ESR1: variants seen among roughly 807,000 people sequenced by gnomAD.
The protein encoded by ESR1 is estrogen receptor.
A neutral mutation model predicts 52.7 loss-of-function variants in ESR1; 12 were observed. The ratio of observed to expected loss-of-function variants is 0.23; its 90% CI spans 0.15 to 0.37. The LOEUF is 0.37. Ranked by LOEUF, ESR1 falls within the 10% of genes least tolerant of loss-of-function variation. ESR1 has a pLI of 1.00. For missense variants in ESR1, 584 were observed against 779.7 expected, an observed-to-expected ratio of 0.75 and a Z score of 2.99; for synonymous variants, 305 against 316.8, an observed-to-expected ratio of 0.96 and a Z score of 0.39.
At chr6:151,970,734 T>C (rs1473857820) in intron 4 of ESR1, among the ~76,000 whole-genome samples, 1 of 152,178 alleles carries the variant, frequency 6.6e-6, no homozygotes, top group East Asian at 1.9e-4. Flanking sequence ...GAGCTTTTAT[T>C]CTCCTCGCTC....
intron 2 of ESR1, among the ~76,000 whole-genome samples, chr6:151,872,601 C>T (rs534049296): frequency 1.3e-5 from 2 of 152,286 alleles, no homozygotes; most frequent in South Asian, 4.1e-4. Flanking sequence ...CTTTCTATAA[C>T]AAATTCTTTG....
intron 2 of ESR1, among the ~76,000 whole-genome samples, chr6:151,862,091 G>A (rs1031984636): frequency 1.6e-4 from 24 of 152,106 alleles, no homozygotes; most frequent in African/African-American, 5.8e-4. Context: ...TACTTGCCCT[G>A]CTCCAGGCTC....
At position 152,098,005 on chromosome 6, in the gene ESR1, C is replaced by T. The variant is rs551884042; in HGVS notation, c.1554-727C>T. Among the ~76,000 whole-genome samples the T allele has an allele frequency of 3.0e-4, 46 of 152,254 alleles. 1 individual carries two copies. The highest frequency in any genetic ancestry group is 2.5e-3 in the Admixed American group (38 of 15,296). On this transcript the variant is annotated intron_variant, in intron 7 of 7. Transcript: ENST00000206249. This position sits in a 1 kb window ranked among gnomAD's most constrained non-coding sequence, Gnocchi z 5.1. ...GCTTGAGGCTGCTGCCACTGGGTAGCGGTAGGCCTTTCCGAGGAGGCGGCA... is the reference window on the plus strand; with the variant it reads ...GCTTGAGGCTGCTGCCACTGGGTAGTGGTAGGCCTTTCCGAGGAGGCGGCA...
intron 2 of ESR1, among the ~76,000 whole-genome samples, chr6:151,740,051 C>T (rs1782964487): frequency 6.6e-6 from 1 of 152,094 alleles, no homozygotes; most frequent in Admixed American, 6.5e-5. Context: ...TGCCAGGGTT[C>T]CCCTATGTAT....
rs545611745 is a variant in ESR1 at position 151,874,716 on chromosome 6, T to C, written c.644-5939T>C. Among the ~76,000 whole-genome samples the C allele has an allele frequency of 5.3e-5, 8 of 152,334 alleles. No homozygotes were observed. The South Asian group carries it at 1.4e-3, about 28-fold the overall frequency. ...TGTAAGAAACCCTTTGATCAAGATA[T>C]GCCTTTTCTTCAGCCTTGTTAATAC... On this transcript the variant is annotated intron_variant, in intron 2 of 7. Transcript: ENST00000206249.
chr6:151,867,786 G>A (rs185953047), intron 2 of ESR1, among the ~76,000 whole-genome samples: 15 of 152,196 alleles, frequency 9.9e-5, no homozygotes, highest in Admixed American at 7.8e-4. Flanking sequence ...TAGGTCTGAC[G>A]GGCTGTCTTT....
chr6:152,119,786 C>T (rs1562799866), intron 6 of ESR1, among the ~76,000 whole-genome samples: 1 of 152,220 alleles, frequency 6.6e-6, no homozygotes, highest in Non-Finnish European at 1.5e-5. Context: ...CCGCTGGGTG[C>T]GGGTGAGGAT....
chr6:152,096,862 G>A (rs1013259439), intron 7 of ESR1, among the ~76,000 whole-genome samples: 2 of 152,150 alleles, frequency 1.3e-5, no homozygotes, highest in Non-Finnish European at 2.9e-5. Context: ...TATTAGCTTT[G>A]ACTCTGAGCT....
chr6:151,769,359 A>G (rs1785321313), intron 2 of ESR1, among the ~76,000 whole-genome samples: 1 of 152,186 alleles, frequency 6.6e-6, no homozygotes, highest in Non-Finnish European at 1.5e-5. Context: ...TTTTTATACC[A>G]GTTAGAAGTG....
At chr6:151,952,060 A>G (rs9340913) in intron 4 of ESR1, among the ~76,000 whole-genome samples, 1 of 152,208 alleles carries the variant, frequency 6.6e-6, no homozygotes, top group Admixed American at 6.5e-5. Flanking sequence ...GTATGACTTC[A>G]TCTTAACTTG....
intron 2 of ESR1, among the ~76,000 whole-genome samples, chr6:151,872,854 C>T (rs1247830660): frequency 6.6e-6 from 1 of 152,132 alleles, no homozygotes; most frequent in East Asian, 1.9e-4. Context: ...ACTTCTGTTC[C>T]CTTGTACCGT....
At chr6:151,958,315 G>A (rs1225814544) in intron 4 of ESR1, among the ~76,000 whole-genome samples, 1 of 151,762 alleles carries the variant, frequency 6.6e-6, no homozygotes, top group Admixed American at 6.6e-5. Flanking sequence ...CTCTTTTGGG[G>A]AAAAAAAATC....
intron 2 of ESR1, among the ~76,000 whole-genome samples, chr6:151,731,186 G>C (rs1404898988): frequency 1.3e-5 from 2 of 151,982 alleles, no homozygotes; most frequent in East Asian, 3.9e-4. Context: ...TGAAACCCCC[G>C]TGTCTACTAA....
intron 4 of ESR1, among the ~76,000 whole-genome samples, chr6:151,958,258 A>C (rs2037228406): frequency 6.6e-6 from 1 of 152,216 alleles, no homozygotes; most frequent in South Asian, 2.1e-4. Flanking sequence ...ATAGATTATA[A>C]CTTTGAAAAG....
At chr6:151,770,726 T>C (rs1312672288) in intron 2 of ESR1, among the ~76,000 whole-genome samples, 1 of 152,186 alleles carries the variant, frequency 6.6e-6, no homozygotes, top group Non-Finnish European at 1.5e-5. Context: ...AATTTTACTG[T>C]TATAAATATG....
rs767847192 is a variant in ESR1 at position 151,808,144 on chromosome 6, C to T, written c.232C>T (p.Leu78Phe). 16 of 1,602,854 alleles carry T rather than the reference C, an allele frequency of 1.0e-5. No homozygotes were observed. The highest frequency in any genetic ancestry group is 1.4e-5 in the Non-Finnish European group (16 of 1,175,284). The stretch of plus-strand genomic sequence containing the variant: ...CGCGCAGGTCTACGGTCAGACCGGC[C>T]TCCCCTACGGCCCCGGGTCTGAGGC... ...ANAQVYGQTG[L>F]PYGPGSEAAA... The change falls in exon 1 of 8, where the codon CTC (leucine) becomes TTC (phenylalanine). Residue 78 changes from leucine to phenylalanine, a missense_variant. Physicochemically the swap from Leu to Phe is conservative, Grantham distance 22. Transcript: ENST00000206249.
At chr6:151,931,713 T>A (rs1326666237) in intron 3 of ESR1, among the ~76,000 whole-genome samples, 1 of 147,588 alleles carries the variant, frequency 6.8e-6, no homozygotes, top group East Asian at 2.0e-4. Flanking sequence ...TTTGGTTTTT[T>A]GTTCTTGCGA....
At chr6:151,856,458 AC>A (rs1214003041) in intron 2 of ESR1, among the ~76,000 whole-genome samples, 1 of 152,194 alleles carries the variant, frequency 6.6e-6, no homozygotes, top group Non-Finnish European at 1.5e-5. Flanking sequence ...GTTGACATAA[AC>A]TTTTCCACAA....
At chr6:151,813,194 T>C (rs909270125) in intron 1 of ESR1, 2 of 152,158 alleles carry the variant, frequency 1.3e-5, no homozygotes, top group Non-Finnish European at 2.9e-5. Flanking sequence ...ATGTTTTAAA[T>C]TATGTGTATA....
Sources: gnomAD v4.1 joint callset for allele counts (sites outside exome capture counted in the v4.1 genomes callset) on GRCh38, gnomAD v4.1.1 for gene constraint, Gnocchi (gnomAD v3.1) non-coding constraint, MANE v1.5 for transcripts, NCBI Gene and HGNC (gene_info 2026-07-23, HGNC 2026-07-21) for gene names.